Variants in KIDINS220 observed in about 807,000 individuals in gnomAD.
KIDINS220 encodes kinase D interacting substrate 220.
In KIDINS220, 63 loss-of-function variants were observed where a neutral mutation model predicts 157.6. That is an observed-to-expected ratio of 0.40 (90% confidence interval 0.33 to 0.49). The LOEUF is 0.49. KIDINS220 is among the 20% of genes least tolerant of loss of function. KIDINS220 has a pLI of 0.66. For synonymous variants in KIDINS220, 732 were observed against 783.6 expected (o/e 0.93, Z 1.10); for missense variants, 1,772 against 2,171.2 (o/e 0.82, Z 3.65).
rs538757209 is a variant in KIDINS220 at position 8,776,929 on chromosome 2, C to T, written c.2704-37G>A. On this transcript the variant is annotated intron_variant, in intron 20 of 29. Transcript: ENST00000256707. ...CGTCGTCAGTGAGAAGGAACCCACG[C>T]GTCCAGTCTAAGAACTTAAGGCTTT... The T allele has an allele frequency of 8.4e-5, 135 of 1,597,854 alleles. 1 individual carries two copies. The South Asian group carries it at 9.6e-4, about 11-fold the overall frequency.
At chr2:8,786,465 T>C (rs574378851) in intron 15 of KIDINS220, 108 bp from the exon 16 acceptor site, 2 of 927,196 alleles carry the variant, frequency 2.2e-6, no homozygotes, top group South Asian at 3.4e-5. Flanking sequence ...TTTGTCTCTT[T>C]CAAAATATTG....
At chr2:8,787,023 C>CA (rs1672493030) in intron 15 of KIDINS220, among the ~76,000 whole-genome samples, 1 of 151,950 alleles carries the variant, frequency 6.6e-6, no homozygotes, top group Non-Finnish European at 1.5e-5. Flanking sequence ...TCATCTCAGT[C>CA]CAGTAGATAA....
intron 6 of KIDINS220, among the ~76,000 whole-genome samples, chr2:8,811,434 T>C (rs369529596): frequency 1.2e-4 from 19 of 152,280 alleles, no homozygotes; most frequent in Admixed American, 7.8e-4. Context: ...AAGGGGCACC[T>C]AGGGTAAGGA....
At position 8,730,838 on chromosome 2, in the gene KIDINS220, G is replaced by A; in HGVS notation, c.5198C>T (p.Thr1733Ile). 1 of 1,614,226 alleles carries A rather than the reference G, an allele frequency of 6.2e-7. No homozygotes were observed. Among genetic ancestry groups the A allele is most frequent in the Non-Finnish European group, 8.5e-7 (1 of 1,180,042 alleles). Residue 1733 changes from threonine (T) to isoleucine (I), a missense_variant, in exon 30 of 30, where the codon ACA (threonine) becomes ATA (isoleucine). Coordinates refer to ENST00000256707, the MANE Select transcript of KIDINS220 (RefSeq NM_020738.4). ...TIQNENLKSM[T>I]HKRSQRSSYT... ...ACTTGAACGTTGGCTTCGCTTATGT[G>A]TCATGCTTTTTAGATTCTCATTCTG...
At chr2:8,803,223 A>T in intron 7 of KIDINS220, 96 bp from the exon 8 acceptor site, 1 of 1,027,726 alleles carries the variant, frequency 9.7e-7, no homozygotes, top group South Asian at 1.7e-5. Context: ...CATAAAACTA[A>T]TGTTTTCAAA....
Position 8,747,872 on chromosome 2 carries a change from C to T in KIDINS220, c.3528+15G>A. The T allele has an allele frequency of 3.4e-6, 5 of 1,476,904 alleles. No homozygotes were observed. Among genetic ancestry groups the T allele is most frequent in the Non-Finnish European group, 4.6e-6 (5 of 1,082,250 alleles). The allele number at this position is 1,476,904 out of a possible 1,614,324, so 91.5% of individuals were successfully genotyped here. On this transcript the variant is annotated intron_variant, in intron 25 of 29. Coordinates refer to ENST00000256707, the MANE Select transcript of KIDINS220 (RefSeq NM_020738.4). ...TTATTAAATTAATATTTGCGTTACC[C>T]TTTTATATACTTACTAGGCCATTGT...
intron 27 of KIDINS220, among the ~76,000 whole-genome samples, chr2:8,736,207 T>A (rs1339678906): frequency 6.6e-6 from 1 of 152,256 alleles, no homozygotes; most frequent in African/African-American, 2.4e-5. Flanking sequence ...TATTACACAG[T>A]ACTCTGATAT....
chr2:8,835,049 A>G (rs1680209869), intron 1 of KIDINS220, among the ~76,000 whole-genome samples: 1 of 152,058 alleles, frequency 6.6e-6, no homozygotes, highest in Non-Finnish European at 1.5e-5. Context: ...AGGACTTGCT[A>G]TATTGCCGAG....
chr2:8,829,102 T>C (rs1188102333), intron 1 of KIDINS220, among the ~76,000 whole-genome samples: 1 of 152,188 alleles, frequency 6.6e-6, no homozygotes, highest in Non-Finnish European at 1.5e-5. Flanking sequence ...TCTACTTATA[T>C]AGCATTCTGG....
intron 26 of KIDINS220, among the ~76,000 whole-genome samples, chr2:8,742,803 A>C (rs929709346): frequency 6.6e-6 from 1 of 150,936 alleles, no homozygotes; most frequent in South Asian, 2.1e-4. Flanking sequence ...TACACTCAAT[A>C]AATATTCGTT....
chr2:8,770,212 T>G (rs1193016327), intron 22 of KIDINS220, among the ~76,000 whole-genome samples: 1 of 151,990 alleles, frequency 6.6e-6, no homozygotes, highest in Non-Finnish European at 1.5e-5. Flanking sequence ...AAGACCAGCC[T>G]GGGCAACACT....
At chr2:8,771,882 C>G (rs960964969) in intron 21 of KIDINS220, among the ~76,000 whole-genome samples, 1 of 151,886 alleles carries the variant, frequency 6.6e-6, no homozygotes, top group South Asian at 2.1e-4. Context: ...GAGATATACA[C>G]ACAGTGCTGT....
intron 1 of KIDINS220, among the ~76,000 whole-genome samples, chr2:8,831,226 T>C (rs1198963856): frequency 2.6e-5 from 4 of 152,196 alleles, no homozygotes; most frequent in Non-Finnish European, 5.9e-5. Context: ...CTCAGTAAGT[T>C]CAATTCTTGA....
intron 26 of KIDINS220, among the ~76,000 whole-genome samples, chr2:8,743,153 C>T (rs1195028995): frequency 1.3e-5 from 2 of 152,112 alleles, no homozygotes. Flanking sequence ...GTGAAAACAT[C>T]CCTGGAAAGC....
chr2:8,792,621 G>A (rs1673359235), intron 12 of KIDINS220, among the ~76,000 whole-genome samples: 1 of 152,156 alleles, frequency 6.6e-6, no homozygotes, highest in Non-Finnish European at 1.5e-5. Flanking sequence ...AGAGTAAGAG[G>A]CTGGAAATAC....
intron 21 of KIDINS220, among the ~76,000 whole-genome samples, chr2:8,774,157 G>A (rs1032314009): frequency 4.6e-5 from 7 of 151,806 alleles, no homozygotes; most frequent in African/African-American, 1.2e-4. Flanking sequence ...TTAGCCGGGC[G>A]TGGTGGCACA....
chr2:8,778,806 A>G (rs547888337), intron 19 of KIDINS220, 79 bp from the exon 20 acceptor site: 2 of 1,593,488 alleles, frequency 1.3e-6, no homozygotes, highest in Admixed American at 1.7e-5. Context: ...TGAAACAACA[A>G]CAATATTTTT....
chr2:8,774,568 G>A (rs1670710937), intron 21 of KIDINS220, among the ~76,000 whole-genome samples: 1 of 152,152 alleles, frequency 6.6e-6, no homozygotes, highest in Non-Finnish European at 1.5e-5. Flanking sequence ...TTAAAAGGAA[G>A]TGAGAAACCC....
At chr2:8,741,632 G>A (rs1318953743) in intron 26 of KIDINS220, among the ~76,000 whole-genome samples, 2 of 152,066 alleles carry the variant, frequency 1.3e-5, no homozygotes, top group South Asian at 2.1e-4. Context: ...CTAAACTACT[G>A]CAATGAACAT....
Sources: gnomAD v4.1 joint callset for allele counts (sites outside exome capture counted in the v4.1 genomes callset) on GRCh38, gnomAD v4.1.1 for gene constraint, MANE v1.5 for transcripts, NCBI Gene and HGNC (gene_info 2026-07-23, HGNC 2026-07-21) for gene names.